The following MYCBP2 variants were observed in gnomAD, a reference collection of about 807,000 sequenced individuals.
The protein encoded by MYCBP2 is MYC binding protein 2.
MYCBP2 carries 120 observed loss-of-function variants against 525.3 expected under a neutral mutation model. The observed-to-expected ratio is 0.23, with a 90% confidence interval of 0.20 to 0.27. MYCBP2 has a LOEUF of 0.27. Ranked by LOEUF, MYCBP2 falls within the 10% of genes least tolerant of loss-of-function variation. The probability of loss-of-function intolerance (pLI) is 1.00; values close to 1 mark genes in which losing one functional copy is unlikely to be tolerated. For missense variants in MYCBP2, 4,149 were observed against 5,657.1 expected (o/e 0.73, Z 8.55); for synonymous variants, 1,894 against 1,955.8 (o/e 0.97, Z 0.83).
At chr13:77,268,559 C>T (rs2074414088) in intron 7 of MYCBP2, among the ~76,000 whole-genome samples, 1 of 152,094 alleles carries the variant, frequency 6.6e-6, no homozygotes, top group Non-Finnish European at 1.5e-5. Context: ...GCAGGTGGAT[C>T]ACCTGGGATT....
At position 77,140,961 on chromosome 13, in the gene MYCBP2, G is replaced by C. The variant is rs781639331; in HGVS notation, c.7304-18C>G. 3.2e-6 allele frequency: 5 copies of C among 1,543,338 alleles called. No individual in the cohort carries two copies. The highest frequency in any genetic ancestry group is 4.4e-6 in the Non-Finnish European group (5 of 1,129,198). ...ACCAGCATCTGTCAGAAAAATCAGA[G>C]AACTGTAACATTTGAGAAAAAAAGA... On this transcript the variant is annotated intron_variant, in intron 49 of 82. Coordinates refer to ENST00000544440, the MANE Select transcript of MYCBP2 (RefSeq NM_015057.5).
chr13:77,289,501 C>A (rs1288248576), intron 2 of MYCBP2, among the ~76,000 whole-genome samples: 1 of 151,232 alleles, frequency 6.6e-6, no homozygotes, highest in East Asian at 1.9e-4. Context: ...AATCCAGTAT[C>A]GATTCATGAT....
chr13:77,313,813 A>G (rs1386062244), intron 1 of MYCBP2, among the ~76,000 whole-genome samples: 1 of 152,126 alleles, frequency 6.6e-6, no homozygotes, highest in Admixed American at 6.5e-5. Flanking sequence ...TCTAACAATA[A>G]GAAAACAAAC....
intron 42 of MYCBP2, among the ~76,000 whole-genome samples, chr13:77,164,996 C>A (rs1378433906): frequency 1.2e-4 from 19 of 152,118 alleles, no homozygotes. Flanking sequence ...ACATAAACTA[C>A]AAAAATTTAG....
At chr13:77,047,339 G>C (rs1593984567) in intron 82 of MYCBP2, among the ~76,000 whole-genome samples, 1 of 152,120 alleles carries the variant, frequency 6.6e-6, no homozygotes, top group Non-Finnish European at 1.5e-5. Flanking sequence ...CTTTAAAATA[G>C]ACACAGCAAT....
At chr13:77,225,404 C>T (rs187700056) in intron 19 of MYCBP2, 31 bp downstream of exon 19, 36 of 1,612,064 alleles carry the variant, frequency 2.2e-5, no homozygotes, top group Admixed American at 1.7e-4. Flanking sequence ...ATTGTAAAAA[C>T]GCAGTTATAC....
chr13:77,246,822 A>G (rs1301965293), intron 15 of MYCBP2, among the ~76,000 whole-genome samples: 2 of 152,188 alleles, frequency 1.3e-5, no homozygotes, highest in Non-Finnish European at 2.9e-5. Context: ...AACAAATGAA[A>G]ATCAATCCAT....
At chr13:77,142,402 G>A (rs1001447634) in intron 49 of MYCBP2, among the ~76,000 whole-genome samples, 2 of 152,146 alleles carry the variant, frequency 1.3e-5, no homozygotes, top group African/African-American at 2.4e-5. Context: ...GCTGGTGAAG[G>A]TCTCTAGAAT....
At chr13:77,188,008 T>C (rs1337108156) in intron 30 of MYCBP2, among the ~76,000 whole-genome samples, 2 of 149,970 alleles carry the variant, frequency 1.3e-5, no homozygotes, top group African/African-American at 4.9e-5. Flanking sequence ...GACGCGGAGG[T>C]TGCAGTGAGC....
rs1214192165 is a variant in MYCBP2, at chr13:77,093,146, C to T, written c.10367+19G>A. On this transcript the variant is annotated intron_variant, in intron 59 of 82. Transcript: ENST00000544440. Reference sequence around the variant, plus strand: ...CACCAAACACTAGCTATTCAACAGACAGGAGAGAACTAAAATACCTTGGTG... The same window carrying T: ...CACCAAACACTAGCTATTCAACAGATAGGAGAGAACTAAAATACCTTGGTG... 7 of 1,594,308 alleles carry T rather than the reference C, an allele frequency of 4.4e-6. No homozygotes were observed. The highest frequency in any genetic ancestry group is 6.0e-6 in the Non-Finnish European group (7 of 1,170,676).
In MYCBP2 at chr13:77,262,400, A is replaced by G. The variant is rs559752559; in HGVS notation, c.1571-271T>C. Among the ~76,000 whole-genome samples the G allele has an allele frequency of 5.3e-5, 8 of 152,210 alleles. 1 individual carries two copies. The highest frequency in any genetic ancestry group is 1.9e-4 in the African/African-American group (8 of 41,586). On this transcript the variant is annotated intron_variant, in intron 10 of 82. Transcript: ENST00000544440. The stretch of plus-strand genomic sequence containing the variant: ...CAAAAAAATTTAAAAATTCAATGTC[A>G]GCAATATTCCTTGAATTAATGTATA...
In MYCBP2 at chr13:77,270,393, T is replaced by C. The variant is rs1427416386; in HGVS notation, c.1091A>G (p.Asp364Gly). 6.2e-7 allele frequency: 1 copy of C among 1,613,654 alleles called. No individual in the cohort carries two copies. The highest frequency in any genetic ancestry group is 8.5e-7 in the Non-Finnish European group (1 of 1,179,804). The change falls in exon 6 of 83, where the codon GAT becomes GGT. Residue 364 changes from aspartate (D) to glycine (G), a missense_variant. Coordinates refer to ENST00000544440, the MANE Select transcript of MYCBP2 (RefSeq NM_015057.5). ...ATCATTCTGAAGTAGACATTGGTCA[T>C]CTTCATCAACAGATATTTCTTTTAA... ...WPLKEISVDE[D>G]DQCLLQNDGF...
chr13:77,286,797 T>A (rs1313094539), intron 3 of MYCBP2, among the ~76,000 whole-genome samples: 44 of 108,956 alleles, frequency 4.0e-4, no homozygotes, highest in Non-Finnish European at 5.3e-4. Context: ...AAAATATATA[T>A]ATATATATAT....
rs2063204969 is a variant in MYCBP2, at chr13:77,205,358, A to G, written c.3741T>C (p.Ser1247=). ...FESHGGGWGY[S]AHSVEAIRFS... ...AACGTATAGCTTCTACTGAATGGGC[A>G]GAATAACCCCAGCCTCCTCCATGAC... The change falls in exon 26 of 83, where the codon TCT becomes TCC. Residue 1247 remains serine (S), a synonymous_variant. Coordinates refer to ENST00000544440, the MANE Select transcript of MYCBP2 (RefSeq NM_015057.5). The G allele has an allele frequency of 6.2e-7, 1 of 1,613,858 alleles. No individual in the cohort carries two copies.
intron 7 of MYCBP2, 48 bp from the exon 8 acceptor site, chr13:77,267,985 A>G: frequency 8.4e-7 from 1 of 1,189,630 alleles, no homozygotes; most frequent in Non-Finnish European, 1.2e-6. Context: ...TTACTAATTC[A>G]GCAGAAACAG....
intron 37 of MYCBP2, 146 bp downstream of exon 37, chr13:77,174,165 C>G: frequency 1.8e-6 from 1 of 561,148 alleles, no homozygotes; most frequent in South Asian, 5.9e-5. Flanking sequence ...AAAGAGATTT[C>G]TTTATATGAA....
Position 77,140,316 on chromosome 13 carries a change from G to A in MYCBP2, c.7402-153C>T, listed in dbSNP as rs193162835. Among the ~76,000 whole-genome samples, 17 of 152,294 alleles carry A rather than the reference G, an allele frequency of 1.1e-4. No homozygotes were observed. In the East Asian group the frequency reaches 3.1e-3, roughly 28 times the overall value. ...AGAGAGGCTCCCTCTGCAAATAACA[G>A]TATAACAACACTAACAACAGAACTT... On this transcript the variant is annotated intron_variant, in intron 50 of 82. Coordinates refer to ENST00000544440, the MANE Select transcript of MYCBP2 (RefSeq NM_015057.5).
In MYCBP2 at chr13:77,101,938, T is replaced by TA. The variant is rs563898258; in HGVS notation, c.8141-2926dup. Reference sequence around the variant, plus strand: ...TTGCTAAAAATCTTCAGACTATACGTAATACTTTCACATTCATCTCCTAAT... The same window carrying TA: ...TTGCTAAAAATCTTCAGACTATACGTAAATACTTTCACATTCATCTCCTAAT... On this transcript the variant is annotated intron_variant, in intron 55 of 82. Coordinates refer to ENST00000544440, the MANE Select transcript of MYCBP2 (RefSeq NM_015057.5). Among the ~76,000 whole-genome samples, 257 of 152,080 alleles carry TA rather than the reference T, an allele frequency of 1.7e-3. 2 individuals are homozygous for TA. Among genetic ancestry groups the TA allele is most frequent in the African/African-American group, 5.6e-3 (234 of 41,542 alleles).
intron 26 of MYCBP2, among the ~76,000 whole-genome samples, chr13:77,200,666 G>A (rs1235534820): frequency 5.3e-5 from 8 of 152,266 alleles, no homozygotes; most frequent in Admixed American, 1.3e-4. Context: ...CCCTCAAAGG[G>A]AAGCCCATCA....
Sources: gnomAD v4.1 joint callset for allele counts (sites outside exome capture counted in the v4.1 genomes callset) on GRCh38, gnomAD v4.1.1 for gene constraint, MANE v1.5 for transcripts, NCBI Gene and HGNC (gene_info 2026-07-23, HGNC 2026-07-21) for gene names.